CYTH2: variants seen among roughly 807,000 people sequenced by gnomAD.
CYTH2 encodes cytohesin 2.
In CYTH2, 24 loss-of-function variants were observed where a neutral mutation model predicts 55.4. The observed-to-expected ratio is 0.43, with a 90% CI of 0.31 to 0.61. The LOEUF is 0.61. Among genes scored for constraint, CYTH2 ranks in the 20% least tolerant of loss-of-function variants. The pLI, the probability that CYTH2 is intolerant of heterozygous loss-of-function variation, is 0.08. For missense variants in CYTH2, 378 were observed against 533.5 expected (o/e 0.71, Z 2.87); for synonymous variants, 221 against 209.6 (o/e 1.05, Z -0.47).
At chr19:48,469,963 A>G in intron 1 of CYTH2, 2 of 551,644 alleles carry the variant, frequency 3.6e-6, no homozygotes, top group South Asian at 3.1e-5. Flanking sequence ...CTTTTCATGG[A>G]CCCAGTAGTC....
Position 48,469,514 on chromosome 19 carries a change from G to A in CYTH2, c.7G>A (p.Asp3Asn). 7.5e-7 allele frequency: 1 copy of A among 1,330,238 alleles called. No individual in the cohort carries two copies. The highest frequency in any genetic ancestry group is 9.7e-7 in the Non-Finnish European group (1 of 1,032,024). 82.4% of individuals were successfully genotyped at this position (1,330,238 alleles called of 1,614,324 possible). A position where few individuals can be genotyped will look rare whatever the true frequency, so the allele number is the denominator to read the frequency against. ME[D>N]GVYEPPDLTP... ...GCGGGCCTTCCTAGCCGCCATGGAGGACGGCGTCTATGGTAGGTCGGGGAG... is the reference window on the plus strand; with the variant it reads ...GCGGGCCTTCCTAGCCGCCATGGAGAACGGCGTCTATGGTAGGTCGGGGAG... Residue 3 changes from aspartate (D) to asparagine (N), a missense_variant, in exon 1 of 12, where the codon GAC becomes AAC. Transcript: ENST00000452733.
intron 1 of CYTH2, chr19:48,469,950 T>G (rs1276847219): frequency 3.6e-6 from 2 of 551,464 alleles, no homozygotes; most frequent in East Asian, 9.4e-5. Context: ...CCGGCTGTAG[T>G]GACTTTTCAT....
In CYTH2 at chr19:48,474,946, C is replaced by T; in HGVS notation, c.805C>T (p.Leu269=). 6.2e-7 allele frequency: 1 copy of T among 1,614,140 alleles called. No homozygotes were observed. Among genetic ancestry groups the T allele is most frequent in the Non-Finnish European group, 8.5e-7 (1 of 1,179,988 alleles). ...GGACCGGGAGGGCTGGCTCCTGAAG[C>T]TGGGTACGTGCCCTCCCGACCCCGC... ...NPDREGWLLK[L]GGRVKTWKRR... is the part of the protein sequence containing the mutation. The change falls in exon 8 of 12, where the codon CTG becomes TTG. Residue 269 remains leucine, a synonymous_variant. Transcript: ENST00000452733. The surrounding 1 kb of genome is among the most constrained non-coding windows in gnomAD (Gnocchi z 4.9).
rs1971858263 is a variant in CYTH2, at chr19:48,474,066, G to C, written c.547+49G>C. ...CTGGGAAAGAGGAGACTGGGGCCCA[G>C]ACTCCTAGGTCTGAGGGAGGGAGGG... is the stretch of plus-strand genomic sequence containing the variant. On this transcript the variant is annotated intron_variant, in intron 6 of 11. Coordinates refer to ENST00000452733, the MANE Select transcript of CYTH2 (RefSeq NM_004228.7). The surrounding 1 kb of genome is among the most constrained non-coding windows in gnomAD (Gnocchi z 4.9). 2 of 1,566,896 alleles carry C rather than the reference G, an allele frequency of 1.3e-6. No individual in the cohort carries two copies. The highest frequency in any genetic ancestry group is 2.7e-5 in the African/African-American group (2 of 73,164).
At position 48,479,937 on chromosome 19, in the gene CYTH2, G is replaced by A. The variant is rs1017042291; in HGVS notation, c.*727G>A. ...ATCGGGCTAAGAGGGCAGGACTGTG[G>A]GCCAGTGCCAGAGCCAGGCTTGTCT... is the stretch of plus-strand genomic sequence containing the variant. On this transcript the variant is annotated 3_prime_UTR_variant, in exon 12 of 12. Coordinates refer to ENST00000452733, the MANE Select transcript of CYTH2 (RefSeq NM_004228.7). 8 of 152,436 alleles carry A rather than the reference G, an allele frequency of 5.2e-5. No homozygotes were observed. The highest frequency in any genetic ancestry group is 1.9e-4 in the African/African-American group (8 of 41,452). 9.4% of individuals were successfully genotyped at this position (152,436 alleles called of 1,614,324 possible).
At chr19:48,472,527 G>A (rs749281157) in intron 4 of CYTH2, 84 bp downstream of exon 4, 7 of 1,129,116 alleles carry the variant, frequency 6.2e-6, no homozygotes, top group Non-Finnish European at 9.1e-6. Flanking sequence ...CAGCTCACAG[G>A]TGGAACAGCC....
At chr19:48,478,014 C>A (rs1053157629) in intron 8 of CYTH2, 55 bp from the exon 9 acceptor site, 2 of 1,470,446 alleles carry the variant, frequency 1.4e-6, no homozygotes, top group African/African-American at 1.4e-5. Context: ...TCCCATCTCC[C>A]AGAGGCCCTG....
rs374014127 is a variant in CYTH2 at position 48,470,589 on chromosome 19, C to T, written c.168-14C>T. The T allele has an allele frequency of 3.1e-6, 5 of 1,614,112 alleles. No individual in the cohort carries two copies. In the African/African-American group the frequency reaches 6.7e-5, roughly 22 times the overall value. On this transcript the variant is annotated splice_polypyrimidine_tract_variant and intron_variant, in intron 2 of 11. Transcript: ENST00000452733. ...TTGACCCTCCACCCCCAACCCTGCT[C>T]TCTGCTCCTGCAGTAAGACCTTGCA...
intron 3 of CYTH2, among the ~76,000 whole-genome samples, chr19:48,471,425 T>A (rs142391637): frequency 4.7e-4 from 71 of 152,338 alleles, no homozygotes; most frequent in African/African-American, 1.6e-3. Context: ...GTGTTGGGAT[T>A]ACAGGCATGA....
intron 8 of CYTH2, chr19:48,475,247 TCC>T: frequency 2.7e-6 from 1 of 368,878 alleles, no homozygotes; most frequent in Non-Finnish European, 4.9e-6. Context: ...GCTGACATTG[TCC>T]TTTCGTGGGA....
At chr19:48,470,246 A>C (rs1201217894) in intron 1 of CYTH2, 107 bp from the exon 2 acceptor site, 1 of 1,457,598 alleles carries the variant, frequency 6.9e-7, no homozygotes, top group Non-Finnish European at 9.2e-7. Context: ...GTGCAGACAT[A>C]GGAAGCCCCT....
At position 48,480,690 on chromosome 19, in the gene CYTH2, G is replaced by C. The variant is rs1020290564; in HGVS notation, c.*1480G>C. ...GGCTTTGACCGCCGCGGCCCCGGGGGCTGGTGGGAAATGGAGTTCCAAATG... is the reference window on the plus strand; with the variant it reads ...GGCTTTGACCGCCGCGGCCCCGGGGCCTGGTGGGAAATGGAGTTCCAAATG... On this transcript the variant is annotated 3_prime_UTR_variant, in exon 12 of 12. Coordinates refer to ENST00000452733, the MANE Select transcript of CYTH2 (RefSeq NM_004228.7). 6.6e-6 allele frequency: 1 copy of C among 152,246 alleles called. No homozygotes were observed. Among genetic ancestry groups the C allele is most frequent in the Non-Finnish European group, 1.5e-5 (1 of 68,048 alleles). 9.4% of individuals were successfully genotyped at this position (152,246 alleles called of 1,614,324 possible).
Position 48,471,166 on chromosome 19 carries a change from T to TTGTGTGTGTGTG in CYTH2, c.234+500_234+511dup, listed in dbSNP as rs372484993. Among the ~76,000 whole-genome samples the TTGTGTGTGTGTG allele has an allele frequency of 3.2e-3, 478 of 150,650 alleles. 4 individuals are homozygous for TTGTGTGTGTGTG. Among genetic ancestry groups the TTGTGTGTGTGTG allele is most frequent in the African/African-American group, 0.012 (463 of 40,244 alleles). ...GGAAAGGCTTTTGTTCACCTACTCT[T>TTGTGTGTGTGTG]TGTGTGTGTGTGTGAGACAGAGTCT... On this transcript the variant is annotated intron_variant, in intron 3 of 11. Coordinates refer to ENST00000452733, the MANE Select transcript of CYTH2 (RefSeq NM_004228.7).
At position 48,474,759 on chromosome 19, in the gene CYTH2, G is replaced by T; in HGVS notation, c.697-79G>T. 1 of 1,230,798 alleles carries T rather than the reference G, an allele frequency of 8.1e-7. No individual in the cohort carries two copies. Among genetic ancestry groups the T allele is most frequent in the Non-Finnish European group, 1.2e-6 (1 of 838,382 alleles). 76.2% of individuals were successfully genotyped at this position (1,230,798 alleles called of 1,614,324 possible). On this transcript the variant is annotated intron_variant, in intron 7 of 11. Coordinates refer to ENST00000452733, the MANE Select transcript of CYTH2 (RefSeq NM_004228.7). The surrounding 1 kb of genome is among the most constrained non-coding windows in gnomAD (Gnocchi z 4.9). ...CCCCACTATGAGTCATCCCATCCCT[G>T]GTCTCGCTGCCCCCCACCCTGAGTA...
chr19:48,481,450 G>T lies in CYTH2; in HGVS notation c.*2240G>T. The T allele has an allele frequency of 6.0e-6, 1 of 166,818 alleles. No individual in the cohort carries two copies. The highest frequency in any genetic ancestry group is 1.3e-5 in the Non-Finnish European group (1 of 76,516). 10.3% of individuals were successfully genotyped at this position (166,818 alleles called of 1,614,324 possible). On this transcript the variant is annotated 3_prime_UTR_variant, in exon 12 of 12. Coordinates refer to ENST00000452733, the MANE Select transcript of CYTH2 (RefSeq NM_004228.7). Reference sequence around the variant, plus strand: ...TTGCGTCCGGCTCCCTCCTCGCCCAGGACCCCCAAGCTCCCAGCACGCTTC... The same window carrying T: ...TTGCGTCCGGCTCCCTCCTCGCCCATGACCCCCAAGCTCCCAGCACGCTTC...
At chr19:48,473,647 G>A (rs1971848599) in intron 5 of CYTH2, 5 of 592,968 alleles carry the variant, frequency 8.4e-6, no homozygotes, top group Middle Eastern at 4.2e-4. Context: ...CTGCAGACCC[G>A]CTTACCTGAT....
chr19:48,475,077 G>T, intron 8 of CYTH2, 128 bp downstream of exon 8: 1 of 789,760 alleles, frequency 1.3e-6, no homozygotes. Context: ...CTGAACCTCA[G>T]TTTTCCACAC....
At chr19:48,472,899 TG>T in intron 4 of CYTH2, 1 of 309,620 alleles carries the variant, frequency 3.2e-6, no homozygotes, top group South Asian at 3.1e-5. Context: ...AGGCCATCTG[TG>T]GACGTCTGGG....
chr19:48,479,917 G>A lies in CYTH2; in HGVS notation c.*707G>A, dbSNP rs569004901. The A allele has an allele frequency of 1.3e-3, 199 of 148,616 alleles. 4 individuals are homozygous for A. The highest frequency in any genetic ancestry group is 0.012 in the Admixed American group (182 of 14,882). 9.2% of individuals were successfully genotyped at this position (148,616 alleles called of 1,614,324 possible). A position where few individuals can be genotyped will look rare whatever the true frequency, so the allele number is the denominator to read the frequency against. ...GAAGGGCTGGGCAGCCTTAGATCGG[G>A]CTAAGAGGGCAGGACTGTGGGCCAG... On this transcript the variant is annotated 3_prime_UTR_variant, in exon 12 of 12. Coordinates refer to ENST00000452733, the MANE Select transcript of CYTH2 (RefSeq NM_004228.7).
Sources: allele counts gnomAD v4.1 joint callset (sites outside exome capture counted in the v4.1 genomes callset), GRCh38; gene constraint gnomAD v4.1.1; non-coding constraint Gnocchi (gnomAD v3.1); transcripts MANE v1.5; gene names NCBI Gene and HGNC (gene_info 2026-07-23, HGNC 2026-07-21).